Variants in NFIA observed in about 807,000 individuals in gnomAD.
NFIA encodes nuclear factor 1 A-type.
NFIA carries 8 observed loss-of-function variants against 62.8 expected under a neutral mutation model. That is an observed-to-expected ratio of 0.13 (90% CI 0.07 to 0.23). The LOEUF (loss-of-function observed/expected upper bound fraction) is 0.23, where lower values mean the gene tolerates loss of function less well. NFIA is among the 10% of genes least tolerant of loss of function. The pLI, the probability that NFIA is intolerant of heterozygous loss-of-function variation, is 1.00. For missense variants in NFIA, 410 were observed against 642.1 expected (o/e 0.64, Z 3.91); for synonymous variants, 235 against 238.1 (o/e 0.99, Z 0.12).
intron 6 of NFIA, among the ~76,000 whole-genome samples, chr1:61,375,993 C>T (rs1664133028): frequency 6.6e-6 from 1 of 152,152 alleles, no homozygotes; most frequent in African/African-American, 2.4e-5. Context: ...GTTGCCAAAT[C>T]CAGTGGACCC....
chr1:61,421,797 G>T (rs1010697596), intron 9 of NFIA, among the ~76,000 whole-genome samples: 3 of 152,102 alleles, frequency 2.0e-5, no homozygotes, highest in Non-Finnish European at 4.4e-5. Context: ...AAGAAATCTG[G>T]CTAAATTTTC....
intron 2 of NFIA, among the ~76,000 whole-genome samples, chr1:61,129,000 G>A (rs1283212757): frequency 7.9e-6 from 1 of 126,146 alleles, no homozygotes; most frequent in Non-Finnish European, 1.6e-5. Context: ...TCGGCTCACT[G>A]CAAGCTCCGC....
In NFIA at chr1:61,189,957, C is replaced by G. The variant is rs529217095; in HGVS notation, c.560-87563C>G. On this transcript the variant is annotated intron_variant, in intron 2 of 10. Coordinates refer to ENST00000403491, the MANE Select transcript of NFIA (RefSeq NM_001134673.4). ...AGTCTTAGGATAAGGAATAATGTCA[C>G]GTATTGCTTGTTCTTCTTACCGTGC... 4.6e-5 allele frequency among the ~76,000 whole-genome samples: 7 copies of G among 152,172 alleles called. No homozygotes were observed. In the South Asian group the frequency reaches 1.2e-3, roughly 27 times the overall value.
intron 2 of NFIA, among the ~76,000 whole-genome samples, chr1:61,212,040 G>C (rs923249903): frequency 2.0e-5 from 3 of 152,166 alleles, no homozygotes; most frequent in African/African-American, 7.2e-5. Context: ...TGCGCTTAGG[G>C]TGTGGATTTA....
chr1:61,399,908 T>C (rs1665466538), intron 7 of NFIA, among the ~76,000 whole-genome samples: 1 of 152,258 alleles, frequency 6.6e-6, no homozygotes, highest in Non-Finnish European at 1.5e-5. Flanking sequence ...AATACAATAA[T>C]GATCCTGACC....
intron 4 of NFIA, among the ~76,000 whole-genome samples, chr1:61,346,995 C>T (rs1662262944): frequency 6.6e-6 from 1 of 151,850 alleles, no homozygotes; most frequent in Admixed American, 6.6e-5. Context: ...GGAAACTGCC[C>T]CCAAGATTCA....
At chr1:61,278,062 A>C (rs1321501083) in intron 3 of NFIA, among the ~76,000 whole-genome samples, 3 of 149,218 alleles carry the variant, frequency 2.0e-5, no homozygotes, top group African/African-American at 5.0e-5. Context: ...AAAAAAAAAA[A>C]TATCTATGCT....
intron 10 of NFIA, among the ~76,000 whole-genome samples, chr1:61,451,568 T>A (rs563243654): frequency 6.6e-6 from 1 of 152,160 alleles, no homozygotes; most frequent in Non-Finnish European, 1.5e-5. Flanking sequence ...CCACTCCCGC[T>A]CAGCACATCC....
intron 5 of NFIA, among the ~76,000 whole-genome samples, chr1:61,354,532 T>C (rs957050493): frequency 6.6e-6 from 1 of 152,204 alleles, no homozygotes; most frequent in African/African-American, 2.4e-5. Context: ...AGTGTTTTCA[T>C]TTAAACAGTG....
intron 2 of NFIA, among the ~76,000 whole-genome samples, chr1:61,220,041 G>A (rs1017060985): frequency 6.6e-6 from 1 of 152,190 alleles, no homozygotes; most frequent in Non-Finnish European, 1.5e-5. Flanking sequence ...TGGCATGTCA[G>A]GTCCCATCGG....
At chr1:61,103,026 A>T (rs932392173) in intron 2 of NFIA, among the ~76,000 whole-genome samples, 3 of 152,192 alleles carry the variant, frequency 2.0e-5, no homozygotes, top group African/African-American at 7.2e-5. Context: ...CTTATTTGTA[A>T]TCAAAACAGT....
chr1:61,160,288 G>C (rs1469717921), intron 2 of NFIA, among the ~76,000 whole-genome samples: 1 of 152,200 alleles, frequency 6.6e-6, no homozygotes, highest in Non-Finnish European at 1.5e-5. Flanking sequence ...TGGGAAACTT[G>C]CTAGAAATGC....
At chr1:61,341,062 T>C (rs1243930879) in intron 4 of NFIA, among the ~76,000 whole-genome samples, 1 of 59,328 alleles carries the variant, frequency 1.7e-5, no homozygotes, top group African/African-American at 6.7e-5. Context: ...CCGGCATTCT[T>C]TTTTTTTTTT....
intron 9 of NFIA, among the ~76,000 whole-genome samples, chr1:61,419,516 A>T (rs566904342): frequency 6.6e-6 from 1 of 152,194 alleles, no homozygotes; most frequent in South Asian, 2.1e-4. Flanking sequence ...TTTTGGTAAC[A>T]TAAGGTCAAA....
At chr1:61,279,576 G>T (rs1379622392) in intron 3 of NFIA, among the ~76,000 whole-genome samples, 1 of 151,942 alleles carries the variant, frequency 6.6e-6, no homozygotes, top group Non-Finnish European at 1.5e-5. Flanking sequence ...TATTGTATTT[G>T]TGCATAATCT....
At chr1:61,451,842 A>C (rs1227189909) in intron 10 of NFIA, among the ~76,000 whole-genome samples, 1 of 152,248 alleles carries the variant, frequency 6.6e-6, no homozygotes, top group Non-Finnish European at 1.5e-5. Context: ...GGGGCTATAA[A>C]GTACGAAGGC....
At chr1:61,175,956 G>A (rs919571267) in intron 2 of NFIA, among the ~76,000 whole-genome samples, 4 of 152,330 alleles carry the variant, frequency 2.6e-5, no homozygotes, top group East Asian at 3.9e-4. Flanking sequence ...AATGCAGAGT[G>A]CCCCGGGCTA....
rs72911996 is a variant in NFIA at position 61,328,866 on chromosome 1, G to A, written c.626-3646G>A. Among the ~76,000 whole-genome samples the A allele has an allele frequency of 5.8e-3, 874 of 151,044 alleles. 9 individuals carry two copies. Among genetic ancestry groups the A allele is most frequent in the African/African-American group, 0.02 (835 of 41,058 alleles). On this transcript the variant is annotated intron_variant, in intron 3 of 10. Transcript: ENST00000403491. ...GCTTCCTGAATAGCTGGGATTACAG[G>A]TACACGTCACTACAGCCGGCTAATT... is the stretch of plus-strand genomic sequence containing the variant.
chr1:61,315,218 C>T (rs975092190), intron 3 of NFIA, among the ~76,000 whole-genome samples: 2 of 152,174 alleles, frequency 1.3e-5, no homozygotes, highest in African/African-American at 2.4e-5. Flanking sequence ...AGCTACAAAT[C>T]ATGTCCCTTA....
Sources: allele counts gnomAD v4.1 joint callset (sites outside exome capture counted in the v4.1 genomes callset), GRCh38; gene constraint gnomAD v4.1.1; transcripts MANE v1.5; gene names NCBI Gene and HGNC (gene_info 2026-07-23, HGNC 2026-07-21).